Variants in ADGRV1 observed in about 807,000 individuals in gnomAD.
ADGRV1 encodes the protein G-protein coupled receptor 98.
A neutral mutation model predicts 596.2 loss-of-function variants in ADGRV1; 359 were observed. The ratio of observed to expected loss-of-function variants is 0.60; its 90% CI spans 0.55 to 0.66. The LOEUF is 0.66. Ranked by LOEUF, ADGRV1 falls within the 30% of genes least tolerant of loss-of-function variation. The probability of loss-of-function intolerance (pLI) is 0.00; values close to 1 mark genes in which losing one functional copy is unlikely to be tolerated. For synonymous variants in ADGRV1, 2,681 were observed against 2,679.2 expected (o/e 1.00, Z -0.02); for missense variants, 7,274 against 7,575.6 (o/e 0.96, Z 1.48).
intron 1 of ADGRV1, among the ~76,000 whole-genome samples, chr5:90,567,443 A>G (rs1454634223): frequency 6.6e-6 from 1 of 152,090 alleles, no homozygotes. Flanking sequence ...CTGGTCCTGG[A>G]CTTTCTTCAT....
At chr5:90,749,672 T>C (rs932796869) in intron 52 of ADGRV1, among the ~76,000 whole-genome samples, 1 of 152,222 alleles carries the variant, frequency 6.6e-6, no homozygotes, top group Non-Finnish European at 1.5e-5. Flanking sequence ...TCCATATTCT[T>C]GCTTTACTGC....
chr5:90,753,874 T>A (rs752649786), intron 54 of ADGRV1, 45 bp downstream of exon 54: 4 of 1,480,316 alleles, frequency 2.7e-6, no homozygotes, highest in Admixed American at 4.5e-5. Flanking sequence ...AGAAGCTTCA[T>A]TGGATAATTT....
chr5:90,758,532 C>G (rs970350541), intron 57 of ADGRV1, among the ~76,000 whole-genome samples: 3 of 152,172 alleles, frequency 2.0e-5, no homozygotes, highest in Non-Finnish European at 4.4e-5. Context: ...TTCACATCCT[C>G]TAGGGAAGGG....
rs1771240348 is a variant in ADGRV1, at chr5:90,665,758, T to TAA, written c.4753-6786_4753-6785dup. Reference sequence around the variant, plus strand: ...TTTCTCTTGTGGGCATTTAGTGCTATAAATTTCCCTCTACACACTGCTTTG... The same window carrying TAA: ...TTTCTCTTGTGGGCATTTAGTGCTATAAAAATTTCCCTCTACACACTGCTTTG... On this transcript the variant is annotated intron_variant, in intron 21 of 89. Transcript: ENST00000405460. 2.7e-5 allele frequency among the ~76,000 whole-genome samples: 4 copies of TAA among 150,166 alleles called. No individual in the cohort carries two copies. The Admixed American group carries it at 2.7e-4, about 10-fold the overall frequency.
At position 90,653,460 on chromosome 5, in the gene ADGRV1, T is replaced by G; in HGVS notation, c.3886T>G (p.Leu1296Val). 6.2e-7 allele frequency: 1 copy of G among 1,613,944 alleles called. No individual in the cohort carries two copies. Among genetic ancestry groups the G allele is most frequent in the Non-Finnish European group, 8.5e-7 (1 of 1,179,892 alleles). Residue 1296 changes from leucine (L) to valine (V), a missense_variant, in exon 20 of 90, where the codon TTG becomes GTG. Transcript: ENST00000405460. ...ACTGTCCAGTGAGTTCCCTGCTGGT[T>G]TGCCACCAATGATAGATTTTTTACT... ...EILSSEFPAG[L>V]PPMIDFLLVG...
At chr5:90,937,188 C>A (rs1483122966) in intron 83 of ADGRV1, among the ~76,000 whole-genome samples, 5 of 152,068 alleles carry the variant, frequency 3.3e-5, no homozygotes, top group Non-Finnish European at 7.4e-5. Context: ...GTACTTTCAA[C>A]CTAATGACTT....
chr5:91,021,591 T>C (rs751641746), intron 85 of ADGRV1, among the ~76,000 whole-genome samples: 1 of 152,090 alleles, frequency 6.6e-6, no homozygotes, highest in Non-Finnish European at 1.5e-5. Flanking sequence ...ATTTCCTGTG[T>C]GAAATAGTCC....
Position 90,704,386 on chromosome 5 carries a change from T to C in ADGRV1, c.8287-3T>C, listed in dbSNP as rs778897677. On this transcript the variant is annotated splice_polypyrimidine_tract_variant and splice_region_variant and intron_variant, in intron 35 of 89. Coordinates refer to ENST00000405460, the MANE Select transcript of ADGRV1 (RefSeq NM_032119.4). ...GGGATTGATTTCTTTCTGTATGACA[T>C]AGGGGTCGTTGAATACAACATTGTT... is the stretch of plus-strand genomic sequence containing the variant. 13 of 1,548,226 alleles carry C rather than the reference T, an allele frequency of 8.4e-6. No individual in the cohort carries two copies. The highest frequency in any genetic ancestry group is 5.6e-5 in the Admixed American group (3 of 53,548).
intron 83 of ADGRV1, among the ~76,000 whole-genome samples, chr5:90,950,788 C>T (rs1007365187): frequency 2.6e-5 from 4 of 152,168 alleles, no homozygotes; most frequent in African/African-American, 9.7e-5. Context: ...TTCAACTTGG[C>T]ACCTTGTAGT....
intron 84 of ADGRV1, among the ~76,000 whole-genome samples, chr5:90,980,453 A>G (rs1000030390): frequency 2.0e-5 from 3 of 152,194 alleles, no homozygotes; most frequent in Non-Finnish European, 2.9e-5. Context: ...GTCAAGTAGG[A>G]TGAATTTAGT....
chr5:91,132,929 G>A lies in ADGRV1; in HGVS notation c.18433-17101G>A, dbSNP rs139769655. 2.4e-3 allele frequency among the ~76,000 whole-genome samples: 366 copies of A among 152,304 alleles called. 2 individuals are homozygous for A. The highest frequency in any genetic ancestry group is 8.1e-3 in the African/African-American group (338 of 41,564). ...CAGAATTCAGGTCATGCAGAGGCCT[G>A]TAAGACAAGCTAAGATTTAGGTCTT... On this transcript the variant is annotated intron_variant, in intron 87 of 89. Coordinates refer to ENST00000405460, the MANE Select transcript of ADGRV1 (RefSeq NM_032119.4).
chr5:90,973,984 A>G (rs575935393), intron 84 of ADGRV1, among the ~76,000 whole-genome samples: 43 of 152,364 alleles, frequency 2.8e-4, no homozygotes, highest in African/African-American at 1.0e-3. Context: ...TCAAGCTGAT[A>G]AGCAACTTCA....
Position 90,694,296 on chromosome 5 carries a change from C to G in ADGRV1, c.7540C>G (p.Gln2514Glu), listed in dbSNP as rs773304993. ...TGTGACAAGGCAATGGGCCATAATGCAGGAAGGTGATGAATTCGCAAATCT... is the reference window on the plus strand; with the variant it reads ...TGTGACAAGGCAATGGGCCATAATGGAGGAAGGTGATGAATTCGCAAATCT... ...EPVTRQWAIM[Q>E]EGDEFANLTV... The change falls in exon 33 of 90, where the codon CAG becomes GAG. Residue 2514 changes from glutamine (Q) to glutamate (E), a missense_variant. Physicochemically the swap from Gln to Glu is conservative, Grantham distance 29 (BLOSUM62 2). This residue lies in a region of ADGRV1 where 3,643 missense variants were observed against 3,809.2 expected (regional missense o/e 0.96). Coordinates refer to ENST00000405460, the MANE Select transcript of ADGRV1 (RefSeq NM_032119.4). The G allele has an allele frequency of 5.0e-5, 80 of 1,613,844 alleles. No individual in the cohort carries two copies. Among genetic ancestry groups the G allele is most frequent in the Non-Finnish European group, 6.4e-5 (75 of 1,179,872 alleles).
chr5:90,827,738 A>G (rs1764185666), intron 76 of ADGRV1, among the ~76,000 whole-genome samples: 1 of 152,210 alleles, frequency 6.6e-6, no homozygotes, highest in Non-Finnish European at 1.5e-5. Context: ...TTAATCAGCA[A>G]CAGTAAAGAA....
intron 48 of ADGRV1, among the ~76,000 whole-genome samples, chr5:90,726,534 T>C (rs1751807674): frequency 6.6e-6 from 1 of 152,240 alleles, no homozygotes; most frequent in African/African-American, 2.4e-5. Context: ...TGGGTGTTTT[T>C]CTGTGTAATC....
At chr5:90,977,722 T>A (rs962538013) in intron 84 of ADGRV1, among the ~76,000 whole-genome samples, 3 of 152,076 alleles carry the variant, frequency 2.0e-5, no homozygotes, top group African/African-American at 7.2e-5. Flanking sequence ...AATAGATAGG[T>A]TTGTGTAGGA....
rs79110423 is a variant in ADGRV1 at position 90,840,277 on chromosome 5, C to T, written c.16612-301C>T. Among the ~76,000 whole-genome samples, 5,336 of 152,134 alleles carry T rather than the reference C, an allele frequency of 0.035. 323 individuals are homozygous for T. Among genetic ancestry groups the T allele is most frequent in the African/African-American group, 0.12 (5,069 of 41,472 alleles). On this transcript the variant is annotated intron_variant, in intron 77 of 89. Coordinates refer to ENST00000405460, the MANE Select transcript of ADGRV1 (RefSeq NM_032119.4). ...TTTACCACATGTGTTATTTGAAGCA[C>T]GATTTTCAATCACAATTGGAGAAAT...
chr5:90,642,622 T>A lies in ADGRV1; in HGVS notation c.2241-14T>A. 6.2e-7 allele frequency: 1 copy of A among 1,608,116 alleles called. No individual in the cohort carries two copies. The highest frequency in any genetic ancestry group is 8.5e-7 in the Non-Finnish European group (1 of 1,178,136). ...GGAAGTAGCGGGTGCCATTTGTCTC[T>A]CTGACTTCTCTAGGGTTAACGTGGA... On this transcript the variant is annotated splice_polypyrimidine_tract_variant and intron_variant, in intron 11 of 89. Transcript: ENST00000405460.
Position 90,855,907 on chromosome 5 carries a change from T to G in ADGRV1, c.17755+6T>G, listed in dbSNP as rs778206497. On this transcript the variant is annotated splice_donor_region_variant and intron_variant, in intron 82 of 89. Transcript: ENST00000405460. ...TGGATTTATATGTATCTCAGGTCAG[T>G]GACAGTATTTTTGAATCAATGGTTA... 6.2e-7 allele frequency: 1 copy of G among 1,602,096 alleles called. No homozygotes were observed. The highest frequency in any genetic ancestry group is 1.3e-5 in the African/African-American group (1 of 74,522).
Sources: allele counts gnomAD v4.1 joint callset (sites outside exome capture counted in the v4.1 genomes callset), GRCh38; gene constraint gnomAD v4.1.1; regional missense constraint gnomAD v4.1.1; transcripts MANE v1.5; gene names NCBI Gene and HGNC (gene_info 2026-07-23, HGNC 2026-07-21).